Variants in SPACA9 observed in about 807,000 individuals in gnomAD.
SPACA9 encodes the protein sperm acrosome associated 9.
In SPACA9, 14 loss-of-function variants were observed where a neutral mutation model predicts 12.5. That is an observed-to-expected ratio of 1.12 (90% CI 0.74 to 1.75). The LOEUF (loss-of-function observed/expected upper bound fraction) is 1.75, where lower values mean the gene tolerates loss of function less well. Ranked by LOEUF, SPACA9 falls within the 40% of genes most tolerant of loss-of-function variation. SPACA9 has a pLI of 0.00. For synonymous variants in SPACA9, 111 were observed against 114.1 expected (o/e 0.97, Z 0.17); for missense variants, 292 against 291.9 (o/e 1.00, Z 0.00).
chr9:132,889,729 T>C lies in SPACA9; in HGVS notation c.*1118T>C. ...GGCACCTGGCCAGAACTCAGTAGTGTGTTTAGTTCTCTGGACCACAGCCAA... is the reference window on the plus strand; with the variant it reads ...GGCACCTGGCCAGAACTCAGTAGTGCGTTTAGTTCTCTGGACCACAGCCAA... On this transcript the variant is annotated 3_prime_UTR_variant, in exon 4 of 4. Coordinates refer to ENST00000356311, the MANE Select transcript of SPACA9 (RefSeq NM_001316897.2). 8.3e-7 allele frequency: 1 copy of C among 1,206,394 alleles called. No homozygotes were observed. The highest frequency in any genetic ancestry group is 1.0e-6 in the Non-Finnish European group (1 of 962,302). The allele number at this position is 1,206,394 out of a possible 1,614,324, so 74.7% of individuals were successfully genotyped here.
At position 132,888,693 on chromosome 9, in the gene SPACA9, C is replaced by T. The variant is rs1363776158; in HGVS notation, c.*82C>T. On this transcript the variant is annotated 3_prime_UTR_variant, in exon 4 of 4. Coordinates refer to ENST00000356311, the MANE Select transcript of SPACA9 (RefSeq NM_001316897.2). The surrounding 1 kb of genome is among the most constrained non-coding windows in gnomAD (Gnocchi z 5.0). The stretch of plus-strand genomic sequence containing the variant: ...GGTTGGTCCTTTTTTCACTGGTACC[C>T]ATGGACCCTGCCACTTACTAACCCC... 8 of 1,459,162 alleles carry T rather than the reference C, an allele frequency of 5.5e-6. No homozygotes were observed. The highest frequency in any genetic ancestry group is 2.7e-5 in the Admixed American group (1 of 36,872). The allele number at this position is 1,459,162 out of a possible 1,614,324, so 90.4% of individuals were successfully genotyped here. A position where few individuals can be genotyped will look rare whatever the true frequency, so the allele number is the denominator to read the frequency against.
rs1431573324 is a variant in SPACA9, at chr9:132,888,395, G to T, written c.453G>T (p.Trp151Cys). ...IPLILDLMKE[W>C]IAHSEKLPRK... ...TCATCCTAGACTTAATGAAAGAATG[G>T]ATCGCCCACTCCGAGAAGTTGCCGC... Residue 151 changes from tryptophan to cysteine, a missense_variant, in exon 4 of 4, where the codon TGG becomes TGT. Coordinates refer to ENST00000356311, the MANE Select transcript of SPACA9 (RefSeq NM_001316897.2). The surrounding 1 kb of genome is among the most constrained non-coding windows in gnomAD (Gnocchi z 5.0). 1 of 1,614,026 alleles carries T rather than the reference G, an allele frequency of 6.2e-7. No homozygotes were observed. Among genetic ancestry groups the T allele is most frequent in the Non-Finnish European group, 8.5e-7 (1 of 1,180,038 alleles).
At position 132,889,886 on chromosome 9, in the gene SPACA9, A is replaced by G; in HGVS notation, c.*1275A>G. On this transcript the variant is annotated 3_prime_UTR_variant, in exon 4 of 4. Transcript: ENST00000356311. ...TTCACAGCGTAGTCGAACCCCAAAC[A>G]TTGTAAAATGTGTCCCTGGCTTCTG... is the stretch of plus-strand genomic sequence containing the variant. The G allele has an allele frequency of 7.1e-7, 1 of 1,413,716 alleles. No homozygotes were observed. Among genetic ancestry groups the G allele is most frequent in the Non-Finnish European group, 9.3e-7 (1 of 1,072,522 alleles). 87.6% of individuals were successfully genotyped at this position (1,413,716 alleles called of 1,614,324 possible). A position where few individuals can be genotyped will look rare whatever the true frequency, so the allele number is the denominator to read the frequency against.
chr9:132,889,335 C>T lies in SPACA9; in HGVS notation c.*724C>T, dbSNP rs955721065. On this transcript the variant is annotated 3_prime_UTR_variant, in exon 4 of 4. Coordinates refer to ENST00000356311, the MANE Select transcript of SPACA9 (RefSeq NM_001316897.2). ...CCACCAGCCCCAACTGTAGGCAAGG[C>T]ACACGCTGTTTGCGAGCCAGGGATG... 2.0e-6 allele frequency: 2 copies of T among 985,450 alleles called. No homozygotes were observed. The highest frequency in any genetic ancestry group is 2.4e-6 in the Non-Finnish European group (2 of 830,034). The allele number at this position is 985,450 out of a possible 1,614,324, so 61.0% of individuals were successfully genotyped here.
intron 2 of SPACA9, among the ~76,000 whole-genome samples, chr9:132,885,091 C>T (rs7855759): frequency 0.13 from 18,846 of 149,896 alleles, 1,739 homozygotes; most frequent in African/African-American, 0.24. Context: ...CCAGCCTGGG[C>T]GACAGAGTGA....
Position 132,887,515 on chromosome 9 carries a change from G to C in SPACA9, c.291G>C (p.Leu97=), listed in dbSNP as rs113204148. Residue 97 remains leucine, a synonymous_variant, in exon 3 of 4, where the codon CTG becomes CTC. Coordinates refer to ENST00000356311, the MANE Select transcript of SPACA9 (RefSeq NM_001316897.2). The surrounding 1 kb of genome is among the most constrained non-coding windows in gnomAD (Gnocchi z 5.4). ...GCACCCCAGTCACCAACAACCTCCT[G>C]GAGAAATGCAAAACCCTCGTTAGCC... ...HSGTPVTNNL[L]EKCKTLVSQS... 16 of 1,613,926 alleles carry C rather than the reference G, an allele frequency of 9.9e-6. No homozygotes were observed. Among genetic ancestry groups the C allele is most frequent in the African/African-American group, 8.0e-5 (6 of 74,872 alleles).
At chr9:132,879,410 G>A (rs980924840) in intron 1 of SPACA9, among the ~76,000 whole-genome samples, 4 of 152,146 alleles carry the variant, frequency 2.6e-5, no homozygotes, top group African/African-American at 2.4e-5. Context: ...TTCTGGCTCC[G>A]CTTCTTACTG....
chr9:132,883,035 C>T (rs1844468118), intron 1 of SPACA9, among the ~76,000 whole-genome samples: 2 of 152,176 alleles, frequency 1.3e-5, no homozygotes, highest in African/African-American at 4.8e-5. Context: ...TTTGCACGCG[C>T]TCAGCAAAAC....
chr9:132,881,262 CA>C (rs1165719674), intron 1 of SPACA9, among the ~76,000 whole-genome samples: 368 of 18,766 alleles, frequency 0.02, 2 homozygotes, highest in African/African-American at 0.041. Flanking sequence ...CCCATCTCTA[CA>C]AAAAAAAAGA....
Position 132,889,845 on chromosome 9 carries a change from G to A in SPACA9, c.*1234G>A. 7.4e-7 allele frequency: 1 copy of A among 1,354,122 alleles called. No homozygotes were observed. The highest frequency in any genetic ancestry group is 9.6e-7 in the Non-Finnish European group (1 of 1,040,986). 83.9% of individuals were successfully genotyped at this position (1,354,122 alleles called of 1,614,324 possible). On this transcript the variant is annotated 3_prime_UTR_variant, in exon 4 of 4. Transcript: ENST00000356311. ...TTCTGATTTTGTGGCTCCTGAGCAA[G>A]GGCGATGACCTGGTTTTCACAGCGT...
chr9:132,881,933 C>T (rs569146753), intron 1 of SPACA9, among the ~76,000 whole-genome samples: 5 of 152,298 alleles, frequency 3.3e-5, no homozygotes, highest in African/African-American at 9.6e-5. Flanking sequence ...CCGGACACCA[C>T]GGGAGGCACA....
intron 2 of SPACA9, among the ~76,000 whole-genome samples, chr9:132,886,553 T>A (rs945092149): frequency 6.6e-6 from 1 of 152,162 alleles, no homozygotes; most frequent in African/African-American, 2.4e-5. Flanking sequence ...AGGTGAGGGG[T>A]AGGGCACGGA....
chr9:132,886,106 C>T (rs1034482192), intron 2 of SPACA9, among the ~76,000 whole-genome samples: 1 of 152,212 alleles, frequency 6.6e-6, no homozygotes, highest in African/African-American at 2.4e-5. Flanking sequence ...AAAAGACAAA[C>T]GGTTACAGCA....
At chr9:132,885,051 T>G (rs1844527283) in intron 2 of SPACA9, among the ~76,000 whole-genome samples, 1 of 151,654 alleles carries the variant, frequency 6.6e-6, no homozygotes, top group African/African-American at 2.4e-5. Flanking sequence ...AGGTGGAGGT[T>G]GCAGTGAGCC....
At position 132,878,901 on chromosome 9, in the gene SPACA9, G is replaced by A. The variant is rs1335595668; in HGVS notation, c.-151G>A. 2 of 473,994 alleles carry A rather than the reference G, an allele frequency of 4.2e-6. No individual in the cohort carries two copies. Among genetic ancestry groups the A allele is most frequent in the Non-Finnish European group, 5.4e-6 (2 of 368,178 alleles). 29.4% of individuals were successfully genotyped at this position (473,994 alleles called of 1,614,324 possible). On this transcript the variant is annotated 5_prime_UTR_variant, in exon 1 of 4. Transcript: ENST00000356311. The surrounding 1 kb of genome is among the most constrained non-coding windows in gnomAD (Gnocchi z 4.7). ...TCGCCCGACGTCCCCACCCACCCTC[G>A]CCTCCCAAGTCCTGGAACGGGCCTC...
chr9:132,881,904 C>T (rs1166238911), intron 1 of SPACA9, among the ~76,000 whole-genome samples: 1 of 152,208 alleles, frequency 6.6e-6, no homozygotes, highest in African/African-American at 2.4e-5. Flanking sequence ...TCACCTCACC[C>T]TAGTTGGTCC....
intron 1 of SPACA9, among the ~76,000 whole-genome samples, chr9:132,882,126 C>G (rs918217006): frequency 6.6e-6 from 1 of 152,190 alleles, no homozygotes; most frequent in African/African-American, 2.4e-5. Flanking sequence ...AGGCCCACCC[C>G]CAGGGCAGCT....
rs745966816 is a variant in SPACA9, at chr9:132,887,816, TG to T, written c.347+246del. ...AGCACCAGGCAGGTGGAGAAGGGGGTGTAGAGCCCAGAGCAGTTGCCCCCAG... is the reference window on the plus strand; with the variant it reads ...AGCACCAGGCAGGTGGAGAAGGGGGTTAGAGCCCAGAGCAGTTGCCCCCAG... On this transcript the variant is annotated intron_variant, in intron 3 of 3. Transcript: ENST00000356311. The surrounding 1 kb of genome is among the most constrained non-coding windows in gnomAD (Gnocchi z 5.4). 2.8e-4 allele frequency among the ~76,000 whole-genome samples: 43 copies of T among 151,084 alleles called. No homozygotes were observed. The highest frequency in any genetic ancestry group is 1.7e-3 in the Admixed American group (26 of 15,174).
intron 1 of SPACA9, among the ~76,000 whole-genome samples, chr9:132,879,528 T>A (rs747101732): frequency 3.3e-5 from 5 of 152,210 alleles, no homozygotes; most frequent in Non-Finnish European, 7.3e-5. Flanking sequence ...GTAATTGGCA[T>A]GCAGTAAGCA....
Sources: allele counts gnomAD v4.1 joint callset (sites outside exome capture counted in the v4.1 genomes callset), GRCh38; gene constraint gnomAD v4.1.1; non-coding constraint Gnocchi (gnomAD v3.1); transcripts MANE v1.5; gene names NCBI Gene and HGNC (gene_info 2026-07-23, HGNC 2026-07-21).